The following CDX2 variants were observed in gnomAD, a reference collection of about 807,000 sequenced individuals.
The protein encoded by CDX2 is caudal type homeobox 2.
Under a neutral mutation model 25.5 loss-of-function variants are expected in CDX2, and 7 were observed. The ratio of observed to expected loss-of-function variants is 0.27; its 90% CI spans 0.16 to 0.52. The LOEUF (loss-of-function observed/expected upper bound fraction) is 0.52. CDX2 is among the 20% of genes least tolerant of loss of function. CDX2 has a pLI of 0.97. For synonymous variants in CDX2, 222 were observed against 198.6 expected, an observed-to-expected ratio of 1.12 and a Z score of -0.99; for missense variants, 375 against 431.4, an observed-to-expected ratio of 0.87 and a Z score of 1.16.
At position 27,964,197 on chromosome 13, in the gene CDX2, C is replaced by G. The variant is rs112534409; in HGVS notation, c.687+673G>C. Among the ~76,000 whole-genome samples, 3 of 151,754 alleles carry G rather than the reference C, an allele frequency of 2.0e-5. No individual in the cohort carries two copies. The highest frequency in any genetic ancestry group is 6.6e-5 in the Admixed American group (1 of 15,238). ...GGTGGATCACCTGAGGCCAGGAGTT[C>G]GAGACTAGCCTGACTAACATGGAGA... On this transcript the variant is annotated intron_variant, in intron 2 of 2. Transcript: ENST00000381020. This position sits in a 1 kb window ranked among gnomAD's most constrained non-coding sequence, Gnocchi z 4.7.
At chr13:27,966,304 C>G (rs987833813) in intron 1 of CDX2, among the ~76,000 whole-genome samples, 5 of 152,248 alleles carry the variant, frequency 3.3e-5, no homozygotes, top group East Asian at 1.9e-4. Flanking sequence ...GCTGCGGCCC[C>G]GACCCCGCGC....
Position 27,968,947 on chromosome 13 carries a change from G to C in CDX2, c.60C>G (p.His20Gln), listed in dbSNP as rs142407700. 6.2e-7 allele frequency: 1 copy of C among 1,608,306 alleles called. No homozygotes were observed. The highest frequency in any genetic ancestry group is 1.1e-5 in the South Asian group (1 of 90,734). Residue 20 changes from histidine (H) to glutamine (Q), a missense_variant, in exon 1 of 3, where the codon CAC (histidine) becomes CAG (glutamine). Physicochemically the swap from His to Gln is conservative, Grantham distance 24. Coordinates refer to ENST00000381020, the MANE Select transcript of CDX2 (RefSeq NM_001265.6). ...GCGGCGCCAGGTTGAGGCCGCCAGA[G>C]TGGCGCACGGAGCTAGGGTACATGC... ...DVSMYPSSVR[H>Q]SGGLNLAPQN...
rs780886884 is a variant in CDX2 at position 27,962,261 on chromosome 13, T to C, written c.*854A>G. On this transcript the variant is annotated 3_prime_UTR_variant, in exon 3 of 3. Coordinates refer to ENST00000381020, the MANE Select transcript of CDX2 (RefSeq NM_001265.6). ...TGGATCCAGAAGGCTTTAAAAACTC[T>C]GGCTTGGATGTTACACAGACCAACA... 3.9e-5 allele frequency: 9 copies of C among 231,822 alleles called. No individual in the cohort carries two copies. The highest frequency in any genetic ancestry group is 1.3e-4 in the African/African-American group (6 of 45,104). The allele number at this position is 231,822 out of a possible 1,614,324, so 14.4% of individuals were successfully genotyped here. A position where few individuals can be genotyped will look rare whatever the true frequency, so the allele number is the denominator to read the frequency against.
At position 27,964,793 on chromosome 13, in the gene CDX2, C is replaced by T. The variant is rs1014512369; in HGVS notation, c.687+77G>A. 1.4e-6 allele frequency: 2 copies of T among 1,427,106 alleles called. No individual in the cohort carries two copies. The highest frequency in any genetic ancestry group is 1.4e-5 in the African/African-American group (1 of 71,392). 88.4% of individuals were successfully genotyped at this position (1,427,106 alleles called of 1,614,324 possible). ...AGTCTCTCCACAGATTTAGATGGCC[C>T]CTGCAGCCAGATTTTCTAACTCTCA... On this transcript the variant is annotated intron_variant, in intron 2 of 2. Transcript: ENST00000381020. This position sits in a 1 kb window ranked among gnomAD's most constrained non-coding sequence, Gnocchi z 4.7.
In CDX2 at chr13:27,964,754, C is replaced by A; in HGVS notation, c.687+116G>T. The A allele has an allele frequency of 2.5e-6, 2 of 810,184 alleles. No homozygotes were observed. The highest frequency in any genetic ancestry group is 3.9e-6 in the Non-Finnish European group (2 of 512,388). 50.2% of individuals were successfully genotyped at this position (810,184 alleles called of 1,614,324 possible). A position where few individuals can be genotyped will look rare whatever the true frequency, so the allele number is the denominator to read the frequency against. ...AAAGGACTCCAAAGACGAATGCTTG[C>A]ATCCTCCTGCTTCAGTCTCTCCACA... is the stretch of plus-strand genomic sequence containing the variant. On this transcript the variant is annotated intron_variant, in intron 2 of 2. Coordinates refer to ENST00000381020, the MANE Select transcript of CDX2 (RefSeq NM_001265.6). This position sits in a 1 kb window ranked among gnomAD's most constrained non-coding sequence, Gnocchi z 4.7.
Position 27,969,135 on chromosome 13 carries a change from G to A in CDX2, c.-129C>T. On this transcript the variant is annotated 5_prime_UTR_variant, in exon 1 of 3. Coordinates refer to ENST00000381020, the MANE Select transcript of CDX2 (RefSeq NM_001265.6). ...GCGGGTGGCTGCGCCCCAGCCCGCG[G>A]TGCTCCGCTGGCTCCTCGCGGCTCT... is the stretch of plus-strand genomic sequence containing the variant. 6.2e-6 allele frequency: 4 copies of A among 642,136 alleles called. No homozygotes were observed. The South Asian group carries it at 8.0e-5, about 13-fold the overall frequency. 39.8% of individuals were successfully genotyped at this position (642,136 alleles called of 1,614,324 possible).
In CDX2 at chr13:27,968,852, G is replaced by A. The variant is rs1184352216; in HGVS notation, c.155C>T (p.Ala52Val). The change falls in exon 1 of 3, where the codon GCA (alanine) becomes GTA (valine). Residue 52 changes from alanine to valine, a missense_variant. Coordinates refer to ENST00000381020, the MANE Select transcript of CDX2 (RefSeq NM_001265.6). ...GYHVAAAAAAAANLDSAQSPG... is the reference protein window; with the variant it reads ...GYHVAAAAAAVANLDSAQSPG... The stretch of plus-strand genomic sequence containing the variant: ...GGACTGCGCGCTGTCCAAGTTCGCT[G>A]CCGCTGCAGCTGCGGCCGCCACGTG... 1.3e-6 allele frequency: 2 copies of A among 1,590,364 alleles called. No individual in the cohort carries two copies. Among genetic ancestry groups the A allele is most frequent in the East Asian group, 2.3e-5 (1 of 44,014 alleles).
chr13:27,969,053 G>A lies in CDX2; in HGVS notation c.-47C>T. 2 of 1,462,092 alleles carry A rather than the reference G, an allele frequency of 1.4e-6. No individual in the cohort carries two copies. Among genetic ancestry groups the A allele is most frequent in the Non-Finnish European group, 1.9e-6 (2 of 1,072,900 alleles). 90.6% of individuals were successfully genotyped at this position (1,462,092 alleles called of 1,614,324 possible). On this transcript the variant is annotated 5_prime_UTR_variant, in exon 1 of 3. Transcript: ENST00000381020. Reference sequence around the variant, plus strand: ...GACCTCACCATGCTGCCTGGGGACCGACGCTGGAGGCTGCCGGGGGGCACG... The same window carrying A: ...GACCTCACCATGCTGCCTGGGGACCAACGCTGGAGGCTGCCGGGGGGCACG...
At chr13:27,965,408 G>A (rs576094801) in intron 1 of CDX2, among the ~76,000 whole-genome samples, 2 of 152,186 alleles carry the variant, frequency 1.3e-5, no homozygotes, top group Admixed American at 1.3e-4. Flanking sequence ...GCCTACCAGA[G>A]ATGGAAGCCC....
rs572132648 is a variant in CDX2 at position 27,960,975 on chromosome 13, G to A, written c.*2140C>T. 5.3e-4 allele frequency among the ~76,000 whole-genome samples: 80 copies of A among 152,350 alleles called. No homozygotes were observed. Among genetic ancestry groups the A allele is most frequent in the African/African-American group, 1.8e-3 (75 of 41,586 alleles). On this transcript the variant is annotated 3_prime_UTR_variant, in exon 3 of 3. Coordinates refer to ENST00000381020, the MANE Select transcript of CDX2 (RefSeq NM_001265.6). ...TTTCACGGCAACGCATAGCAACCCCGGCGGCTAGGGGGCGGGCCTGTGGGC... is the reference window on the plus strand; with the variant it reads ...TTTCACGGCAACGCATAGCAACCCCAGCGGCTAGGGGGCGGGCCTGTGGGC...
intron 1 of CDX2, chr13:27,967,295 T>C: frequency 1.9e-6 from 1 of 513,568 alleles, no homozygotes; most frequent in Non-Finnish European, 3.8e-6. Context: ...GTCGGCGGCA[T>C]TCCCACCAGG....
Position 27,963,245 on chromosome 13 carries a change from T to TGAGGCTGGG in CDX2, c.803_811dup (p.Pro268_Pro270dup). 1.9e-6 allele frequency: 3 copies of TGAGGCTGGG among 1,614,192 alleles called. No individual in the cohort carries two copies. Among genetic ancestry groups the TGAGGCTGGG allele is most frequent in the Non-Finnish European group, 2.5e-6 (3 of 1,180,026 alleles). On this transcript the variant is annotated inframe_insertion, in exon 3 of 3. Coordinates refer to ENST00000381020, the MANE Select transcript of CDX2 (RefSeq NM_001265.6). Reference sequence around the variant, plus strand: ...TGGGACACTTCTCAGAGGACCTGGCTGAGGCTGGGGAGGCTGTGGTGGCGG... The same window carrying TGAGGCTGGG: ...TGGGACACTTCTCAGAGGACCTGGCTGAGGCTGGGGAGGCTGGGGAGGCTGTGGTGGCGG...
At position 27,968,600 on chromosome 13, in the gene CDX2, A is replaced by C; in HGVS notation, c.407T>G (p.Leu136Arg). The stretch of plus-strand genomic sequence containing the variant: ...AGGGCCGGGGTTGAGCGTTTGCAGC[A>C]GCCCAGAAGCGCAGGAAGGCGCGGC... ...PAAAPSCASG[L>R]LQTLNPGPPG... The change falls in exon 1 of 3, where the codon CTG becomes CGG. Residue 136 changes from leucine to arginine, a missense_variant. Transcript: ENST00000381020. 1 of 1,563,752 alleles carries C rather than the reference A, an allele frequency of 6.4e-7. No homozygotes were observed. Among genetic ancestry groups the C allele is most frequent in the Non-Finnish European group, 8.6e-7 (1 of 1,163,300 alleles).
In CDX2 at chr13:27,968,620, C is replaced by T; in HGVS notation, c.387G>A (p.Ala129=). Residue 129 remains alanine, a synonymous_variant, in exon 1 of 3, where the codon GCG becomes GCA. Transcript: ENST00000381020. ...GCAGCAGCCCAGAAGCGCAGGAAGGCGCGGCGGCCGGGTGGTGCGGGTGGT... is the reference window on the plus strand; with the variant it reads ...GCAGCAGCCCAGAAGCGCAGGAAGGTGCGGCGGCCGGGTGGTGCGGGTGGT... ...PHHHPHHPAA[A]PSCASGLLQT... is the part of the protein sequence containing the mutation. 2 of 1,548,156 alleles carry T rather than the reference C, an allele frequency of 1.3e-6. No individual in the cohort carries two copies. The highest frequency in any genetic ancestry group is 1.7e-6 in the Non-Finnish European group (2 of 1,153,998).
chr13:27,966,465 G>A (rs1161568597), intron 1 of CDX2, among the ~76,000 whole-genome samples: 1 of 152,256 alleles, frequency 6.6e-6, no homozygotes, highest in Non-Finnish European at 1.5e-5. Context: ...CACGCAGATA[G>A]TATCAGGCGG....
chr13:27,963,729 C>T (rs746050908), intron 2 of CDX2, among the ~76,000 whole-genome samples: 2 of 152,192 alleles, frequency 1.3e-5, no homozygotes, highest in Non-Finnish European at 2.9e-5. Context: ...CAAATGGCAA[C>T]CTTTGGCCCC....
In CDX2 at chr13:27,969,069, G is replaced by T; in HGVS notation, c.-63C>A. The stretch of plus-strand genomic sequence containing the variant: ...CTGGGGACCGACGCTGGAGGCTGCC[G>T]GGGGGCACGAAGGGAAAGGGGCGAG... On this transcript the variant is annotated 5_prime_UTR_variant, in exon 1 of 3. Transcript: ENST00000381020. 7.5e-7 allele frequency: 1 copy of T among 1,334,570 alleles called. No individual in the cohort carries two copies. Among genetic ancestry groups the T allele is most frequent in the South Asian group, 1.3e-5 (1 of 78,042 alleles). The allele number at this position is 1,334,570 out of a possible 1,614,324, so 82.7% of individuals were successfully genotyped here. A position where few individuals can be genotyped will look rare whatever the true frequency, so the allele number is the denominator to read the frequency against.
Position 27,968,991 on chromosome 13 carries a change from G to C in CDX2, c.16C>G (p.Leu6Val). The change falls in exon 1 of 3, where the codon CTC (leucine) becomes GTC (valine). Residue 6 changes from leucine (L) to valine (V), a missense_variant. Coordinates refer to ENST00000381020, the MANE Select transcript of CDX2 (RefSeq NM_001265.6). ...TACATGCTCACGTCCTTGTCCAGGAGGTAGCTCACGTACATGGTGGCGAGG... is the reference window on the plus strand; with the variant it reads ...TACATGCTCACGTCCTTGTCCAGGACGTAGCTCACGTACATGGTGGCGAGG... Reference protein sequence around the residue: MYVSYLLDKDVSMYPS... With the variant: MYVSYVLDKDVSMYPS... 6.3e-7 allele frequency: 1 copy of C among 1,598,896 alleles called. No individual in the cohort carries two copies. The highest frequency in any genetic ancestry group is 8.5e-7 in the Non-Finnish European group (1 of 1,178,356).
intron 1 of CDX2, among the ~76,000 whole-genome samples, chr13:27,967,784 C>T (rs1347776227): frequency 6.6e-6 from 1 of 152,210 alleles, no homozygotes; most frequent in African/African-American, 2.4e-5. Flanking sequence ...TTGCCCCTAG[C>T]CTTCCAGCTT....
Sources: gnomAD v4.1 joint callset for allele counts (sites outside exome capture counted in the v4.1 genomes callset) on GRCh38, gnomAD v4.1.1 for gene constraint, Gnocchi (gnomAD v3.1) non-coding constraint, MANE v1.5 for transcripts, NCBI Gene and HGNC (gene_info 2026-07-23, HGNC 2026-07-21) for gene names.